SCG5: variants seen among roughly 807,000 people sequenced by gnomAD.
The protein encoded by SCG5 is secretogranin V.
Under a neutral mutation model 25.7 loss-of-function variants are expected in SCG5, and 18 were observed. The ratio of observed to expected loss-of-function variants is 0.70; its 90% CI spans 0.48 to 1.04. SCG5 has a LOEUF of 1.04. Ranked by LOEUF, SCG5 falls within the 50% of genes least tolerant of loss-of-function variation. SCG5 has a pLI of 0.00. For missense variants in SCG5, 206 were observed against 259.8 expected (o/e 0.79, Z 1.42); for synonymous variants, 101 against 91.7 (o/e 1.10, Z -0.58).
intron 2 of SCG5, among the ~76,000 whole-genome samples, chr15:32,657,211 A>ATATATATATATATATATATG (rs1555433850): frequency 5.9e-5 from 6 of 102,480 alleles, no homozygotes; most frequent in African/African-American, 1.7e-4. Flanking sequence ...ATATATATAT[A>ATATATATATATATATATATG]TGTATGTATT....
chr15:32,647,775 T>C (rs1247106068), intron 2 of SCG5, among the ~76,000 whole-genome samples: 1 of 152,222 alleles, frequency 6.6e-6, no homozygotes, highest in African/African-American at 2.4e-5. Flanking sequence ...GGCGAGGAAA[T>C]GTAGTCCTTA....
Position 32,643,580 on chromosome 15 carries a change from C to T in SCG5, c.-7-6C>T. The T allele has an allele frequency of 6.2e-7, 1 of 1,604,128 alleles. No individual in the cohort carries two copies. The highest frequency in any genetic ancestry group is 8.5e-7 in the Non-Finnish European group (1 of 1,170,972). ...TATCAGTATACATTTGGTCTTTTATCTGCAGGTTGACAATGGTCTCCAGGA... is the reference window on the plus strand; with the variant it reads ...TATCAGTATACATTTGGTCTTTTATTTGCAGGTTGACAATGGTCTCCAGGA... On this transcript the variant is annotated splice_polypyrimidine_tract_variant and splice_region_variant and intron_variant, in intron 1 of 5. Coordinates refer to ENST00000300175, the MANE Select transcript of SCG5 (RefSeq NM_001144757.3).
At chr15:32,690,332 C>G (rs1286005263) in intron 4 of SCG5, among the ~76,000 whole-genome samples, 5 of 152,210 alleles carry the variant, frequency 3.3e-5, no homozygotes, top group Non-Finnish European at 7.3e-5. Context: ...CATGTCCTCA[C>G]CCCTTCCCGG....
intron 3 of SCG5, among the ~76,000 whole-genome samples, chr15:32,684,029 C>T (rs1017370688): frequency 2.6e-5 from 4 of 152,184 alleles, no homozygotes; most frequent in African/African-American, 7.2e-5. Context: ...GCCAGAGGCG[C>T]GTGAGGCTGT....
chr15:32,690,077 G>A (rs1197724726), intron 4 of SCG5, among the ~76,000 whole-genome samples: 3 of 152,064 alleles, frequency 2.0e-5, no homozygotes, highest in Non-Finnish European at 4.4e-5. Context: ...TCCTGACCTC[G>A]TGATCCTCCC....
rs11635997 is a variant in SCG5 at position 32,641,892 on chromosome 15, G to A, written c.-8+114G>A. The stretch of plus-strand genomic sequence containing the variant: ...CTTGAGGTGGAGGCTGGGGTCAGAC[G>A]AAGGATGCGTAGGGGATTAGAATGT... On this transcript the variant is annotated intron_variant, in intron 1 of 5. Transcript: ENST00000300175. 0.47 allele frequency: 70,990 copies of A among 152,094 alleles called. 18,185 individuals are homozygous for A. Among genetic ancestry groups the A allele is most frequent in the Non-Finnish European group, 0.58 (39,457 of 67,994 alleles). 9.4% of individuals were successfully genotyped at this position (152,094 alleles called of 1,614,324 possible).
chr15:32,693,034 A>C (rs376302532), intron 5 of SCG5, among the ~76,000 whole-genome samples: 1 of 152,244 alleles, frequency 6.6e-6, no homozygotes, highest in Admixed American at 6.5e-5. Context: ...TCCAAAGGGT[A>C]TAATGTGGTC....
rs143642256 is a variant in SCG5 at position 32,695,521 on chromosome 15, A to C, written c.544-993A>C. On this transcript the variant is annotated intron_variant, in intron 5 of 5. Transcript: ENST00000300175. ...ACTCATTAAGAATACCAACACATGA[A>C]AGTGATTTCAGAGTATGGAGTCTTG... Among the ~76,000 whole-genome samples, 313 of 152,206 alleles carry C rather than the reference A, an allele frequency of 2.1e-3. 3 individuals are homozygous for C. Among genetic ancestry groups the C allele is most frequent in the South Asian group, 0.019 (94 of 4,830 alleles).
intron 1 of SCG5, among the ~76,000 whole-genome samples, chr15:32,642,994 C>T (rs1462602720): frequency 6.6e-6 from 1 of 152,170 alleles, no homozygotes; most frequent in Non-Finnish European, 1.5e-5. Context: ...AGCAAACAAA[C>T]CTCAAACTAC....
At chr15:32,684,779 C>A in intron 4 of SCG5, 110 bp downstream of exon 4, 1 of 689,708 alleles carries the variant, frequency 1.4e-6, no homozygotes, top group Non-Finnish European at 2.5e-6. Context: ...TATTTAGAAG[C>A]TAATTTTTCA....
intron 3 of SCG5, among the ~76,000 whole-genome samples, chr15:32,681,694 C>A (rs1200804865): frequency 6.6e-6 from 1 of 152,072 alleles, no homozygotes; most frequent in Non-Finnish European, 1.5e-5. Flanking sequence ...AAACGATCCT[C>A]CCACCTTGGC....
At chr15:32,659,093 G>A (rs573451120) in intron 2 of SCG5, among the ~76,000 whole-genome samples, 1 of 152,070 alleles carries the variant, frequency 6.6e-6, no homozygotes, top group African/African-American at 2.4e-5. Context: ...GGAGAATGGC[G>A]AGAACCTGGG....
At chr15:32,654,602 G>A (rs1219033992) in intron 2 of SCG5, among the ~76,000 whole-genome samples, 1 of 152,180 alleles carries the variant, frequency 6.6e-6, no homozygotes, top group Non-Finnish European at 1.5e-5. Context: ...TATCCTTAAG[G>A]ATGATCCTCA....
At chr15:32,675,720 G>A (rs932395635) in intron 2 of SCG5, among the ~76,000 whole-genome samples, 1 of 152,186 alleles carries the variant, frequency 6.6e-6, no homozygotes, top group Admixed American at 6.5e-5. Flanking sequence ...CTACACAACT[G>A]TGACACACTG....
intron 2 of SCG5, among the ~76,000 whole-genome samples, chr15:32,657,666 C>T (rs999715785): frequency 6.6e-6 from 1 of 152,172 alleles, no homozygotes; most frequent in Non-Finnish European, 1.5e-5. Flanking sequence ...GGTTTGAGAA[C>T]ACACTGTCCT....
intron 2 of SCG5, among the ~76,000 whole-genome samples, chr15:32,670,230 C>T (rs1012126428): frequency 6.6e-6 from 1 of 152,248 alleles, no homozygotes; most frequent in Non-Finnish European, 1.5e-5. Context: ...TGCCAACAGG[C>T]TCAACCCAAT....
chr15:32,661,112 G>A (rs1221554607), intron 2 of SCG5, among the ~76,000 whole-genome samples: 2 of 152,200 alleles, frequency 1.3e-5, no homozygotes, highest in Admixed American at 1.3e-4. Context: ...ATATGCAGAT[G>A]ATTCTATTTT....
intron 2 of SCG5, among the ~76,000 whole-genome samples, chr15:32,650,095 T>A (rs906616931): frequency 2.6e-5 from 4 of 152,076 alleles, no homozygotes; most frequent in African/African-American, 9.7e-5. Context: ...ACCCCAATCT[T>A]ATTTATTTAT....
intron 2 of SCG5, among the ~76,000 whole-genome samples, chr15:32,659,257 C>T (rs1285075360): frequency 6.6e-6 from 1 of 152,210 alleles, no homozygotes; most frequent in Non-Finnish European, 1.5e-5. Flanking sequence ...CACTGCACAG[C>T]ATGTGCCGGA....
Sources: allele counts gnomAD v4.1 joint callset (sites outside exome capture counted in the v4.1 genomes callset), GRCh38; gene constraint gnomAD v4.1.1; transcripts MANE v1.5; gene names NCBI Gene and HGNC (gene_info 2026-07-23, HGNC 2026-07-21).